PCSK5: variants seen among roughly 807,000 people sequenced by gnomAD.
PCSK5 encodes prohormone convertase 5.
A neutral mutation model predicts 233.2 loss-of-function variants in PCSK5; 129 were observed. The observed-to-expected ratio is 0.55, with a 90% CI of 0.48 to 0.64. The LOEUF (loss-of-function observed/expected upper bound fraction) is 0.64. Among genes scored for constraint, PCSK5 ranks in the 30% least tolerant of loss-of-function variants. The pLI, the probability that PCSK5 is intolerant of heterozygous loss-of-function variation, is 0.00. For synonymous variants in PCSK5, 825 were observed against 879.2 expected, an observed-to-expected ratio of 0.94 and a Z score of 1.09; for missense variants, 2,076 against 2,430.1, an observed-to-expected ratio of 0.85 and a Z score of 3.06.
intron 37 of PCSK5, among the ~76,000 whole-genome samples, chr9:76,358,279 G>A (rs1461732313): frequency 1.3e-5 from 2 of 152,122 alleles, no homozygotes; most frequent in Admixed American, 6.5e-5. Context: ...ACCAAGGTGG[G>A]AGGATCTCTT....
intron 1 of PCSK5, among the ~76,000 whole-genome samples, chr9:75,919,591 T>A (rs1046997677): frequency 6.6e-6 from 1 of 152,242 alleles, no homozygotes; most frequent in African/African-American, 2.4e-5. Flanking sequence ...CTCAGCATCA[T>A]TTGATATTGC....
At chr9:76,128,072 G>A (rs143192263) in intron 9 of PCSK5, among the ~76,000 whole-genome samples, 10 of 152,192 alleles carry the variant, frequency 6.6e-5, no homozygotes, top group African/African-American at 2.4e-4. Flanking sequence ...ATGTCTTCCT[G>A]CAGGACTTAG....
At chr9:76,181,979 G>A (rs777270494) in intron 16 of PCSK5, among the ~76,000 whole-genome samples, 1 of 152,200 alleles carries the variant, frequency 6.6e-6, no homozygotes, top group Non-Finnish European at 1.5e-5. Flanking sequence ...ATGAAATGTT[G>A]TCTACCAGGG....
At chr9:76,021,749 G>A (rs1828200590) in intron 3 of PCSK5, among the ~76,000 whole-genome samples, 1 of 152,100 alleles carries the variant, frequency 6.6e-6, no homozygotes, top group South Asian at 2.1e-4. Context: ...ATTTATTTCG[G>A]AGGCATTGGA....
intron 8 of PCSK5, among the ~76,000 whole-genome samples, chr9:76,096,510 G>T (rs1564023815): frequency 6.6e-6 from 1 of 151,860 alleles, no homozygotes; most frequent in Non-Finnish European, 1.5e-5. Context: ...GGCCAATTCA[G>T]TGTGAAAAAC....
At chr9:75,941,290 T>C (rs1824291557) in intron 2 of PCSK5, among the ~76,000 whole-genome samples, 1 of 152,192 alleles carries the variant, frequency 6.6e-6, no homozygotes, top group Non-Finnish European at 1.5e-5. Flanking sequence ...CTGTGTGGGC[T>C]GATCCAGGGT....
At chr9:75,947,140 C>T (rs1824614065) in intron 2 of PCSK5, among the ~76,000 whole-genome samples, 1 of 152,190 alleles carries the variant, frequency 6.6e-6, no homozygotes, top group Non-Finnish European at 1.5e-5. Context: ...TGCTGGCATT[C>T]AGGAAGTTCC....
At chr9:76,052,066 CA>C (rs1274663225) in intron 5 of PCSK5, among the ~76,000 whole-genome samples, 1 of 152,082 alleles carries the variant, frequency 6.6e-6, no homozygotes. Flanking sequence ...GAAAAGGAAC[CA>C]AAAAGCATGG....
At chr9:75,895,203 C>T (rs1313157375) in intron 1 of PCSK5, among the ~76,000 whole-genome samples, 1 of 152,188 alleles carries the variant, frequency 6.6e-6, no homozygotes, top group Non-Finnish European at 1.5e-5. Flanking sequence ...AGGCCACTTT[C>T]GAGGCTGTGA....
intron 8 of PCSK5, among the ~76,000 whole-genome samples, chr9:76,099,016 G>A (rs571540200): frequency 3.3e-5 from 5 of 152,248 alleles, no homozygotes; most frequent in South Asian, 2.1e-4. Context: ...ATACCCTTTC[G>A]CGAGGTCATA....
chr9:76,351,948 T>TGACCA (rs1830178639), intron 36 of PCSK5, among the ~76,000 whole-genome samples: 2 of 152,048 alleles, frequency 1.3e-5, no homozygotes, highest in African/African-American at 4.8e-5. Flanking sequence ...TATTGTCACT[T>TGACCA]CTGTGGTCAC....
At chr9:76,351,505 A>AAGG (rs1830144013) in intron 36 of PCSK5, among the ~76,000 whole-genome samples, 1 of 119,516 alleles carries the variant, frequency 8.4e-6, no homozygotes, top group Non-Finnish European at 1.9e-5. Flanking sequence ...AGAAAGAAAG[A>AAGG]AAGAAAGAAA....
At chr9:76,319,099 C>T (rs1165148289) in intron 30 of PCSK5, among the ~76,000 whole-genome samples, 1 of 152,118 alleles carries the variant, frequency 6.6e-6, no homozygotes, top group Non-Finnish European at 1.5e-5. Flanking sequence ...TGACATGTGC[C>T]CAAGGTGGCC....
In PCSK5 at chr9:75,891,189, G is replaced by A; in HGVS notation, c.8G>A (p.Trp3Ter). ...CAGCGAGGCGCCGGGACCATGGGCT[G>A]GGGGAGCCGCTGCTGCTGCCCGGGA... MG[W>*]GSRCCCPGRL... Residue 3 changes from tryptophan to a stop codon, truncating the protein, a stop_gained, in exon 1 of 38, where the codon TGG (tryptophan) becomes TAG (stop). Transcript: ENST00000674117. LOFTEE classifies it high-confidence loss of function. The A allele has an allele frequency of 6.8e-7, 1 of 1,477,058 alleles. No homozygotes were observed. Among genetic ancestry groups the A allele is most frequent in the Non-Finnish European group, 8.9e-7 (1 of 1,122,796 alleles). The allele number at this position is 1,477,058 out of a possible 1,614,324, so 91.5% of individuals were successfully genotyped here.
chr9:76,125,245 C>A (rs1271036870), intron 9 of PCSK5, among the ~76,000 whole-genome samples: 1 of 152,182 alleles, frequency 6.6e-6, no homozygotes, highest in Non-Finnish European at 1.5e-5. Flanking sequence ...CTGTCCGATT[C>A]TGAGATTCTA....
At chr9:76,160,020 A>T (rs926716379) in intron 12 of PCSK5, among the ~76,000 whole-genome samples, 1 of 151,780 alleles carries the variant, frequency 6.6e-6, no homozygotes, top group Admixed American at 6.6e-5. Flanking sequence ...ACGGGGTTTC[A>T]CCACGTTGAC....
chr9:76,141,066 G>A (rs971039323), intron 10 of PCSK5, among the ~76,000 whole-genome samples: 4 of 152,038 alleles, frequency 2.6e-5, no homozygotes, highest in African/African-American at 7.2e-5. Flanking sequence ...ATATTTTGTG[G>A]TTATGGTTGA....
rs1824920576 is a variant in PCSK5, at chr9:76,201,674, A to T, written c.2626+11928A>T. Among the ~76,000 whole-genome samples, 5 of 152,346 alleles carry T rather than the reference A, an allele frequency of 3.3e-5. No individual in the cohort carries two copies. In the South Asian group the frequency reaches 1.0e-3, roughly 32 times the overall value. On this transcript the variant is annotated intron_variant, in intron 20 of 37. Coordinates refer to ENST00000674117, the MANE Select transcript of PCSK5 (RefSeq NM_001372043.1). ...TCATGCTTTGTGTGAACAAGGCAGG[A>T]GTCAATATTTGATCATTAAAGTTAG...
chr9:75,937,676 A>G (rs907298395), intron 2 of PCSK5, among the ~76,000 whole-genome samples: 4 of 152,170 alleles, frequency 2.6e-5, no homozygotes, highest in African/African-American at 9.7e-5. Context: ...AGGCTGTTTT[A>G]TTTCATCTAC....
Sources: allele counts gnomAD v4.1 joint callset (sites outside exome capture counted in the v4.1 genomes callset), GRCh38; gene constraint gnomAD v4.1.1; transcripts MANE v1.5; gene names NCBI Gene and HGNC (gene_info 2026-07-23, HGNC 2026-07-21).